The following KLC4 variants were observed in gnomAD, a reference collection of about 807,000 sequenced individuals.
The protein encoded by KLC4 is kinesin-like protein 8.
Under a neutral mutation model 77.2 loss-of-function variants are expected in KLC4, and 49 were observed. The ratio of observed to expected loss-of-function variants is 0.63; its 90% CI spans 0.50 to 0.80. The LOEUF is 0.80. Among genes scored for constraint, KLC4 ranks in the 30% least tolerant of loss-of-function variants. KLC4 has a pLI of 0.00. For synonymous variants in KLC4, 274 were observed against 314.5 expected, an observed-to-expected ratio of 0.87 and a Z score of 1.36; for missense variants, 669 against 793.5, an observed-to-expected ratio of 0.84 and a Z score of 1.89.
At chr6:43,061,780 C>A (rs1160597999) in intron 2 of KLC4, among the ~76,000 whole-genome samples, 187 bp downstream of exon 2, 1 of 152,186 alleles carries the variant, frequency 6.6e-6, no homozygotes, top group Admixed American at 6.5e-5. Flanking sequence ...TTGAACAAAA[C>A]TGTAAAAATC....
chr6:43,060,643 G>A (rs1428333353), intron 1 of KLC4: 2 of 1,106,734 alleles, frequency 1.8e-6, no homozygotes, highest in Non-Finnish European at 2.2e-6. Context: ...AGACCCCTCT[G>A]AGGAAGTGGG....
chr6:43,074,182 TAAG>T (rs1191268625), intron 15 of KLC4: 4 of 499,362 alleles, frequency 8.0e-6, no homozygotes, highest in South Asian at 3.2e-5. Context: ...AATAAGTTAA[TAAG>T]GAGGGAAATA....
Position 43,075,079 on chromosome 6 carries a change from G to A in KLC4, c.*407G>A, listed in dbSNP as rs1008361124. Reference sequence around the variant, plus strand: ...TGTATTTCACTTTTCTTAAATAAAAGAATCAGGTAACCTTTCTGTGACTTG... The same window carrying A: ...TGTATTTCACTTTTCTTAAATAAAAAAATCAGGTAACCTTTCTGTGACTTG... On this transcript the variant is annotated 3_prime_UTR_variant, in exon 16 of 16. Coordinates refer to ENST00000347162, the MANE Select transcript of KLC4 (RefSeq NM_201521.3). The A allele has an allele frequency of 2.2e-4, 42 of 191,990 alleles. No individual in the cohort carries two copies. Among genetic ancestry groups the A allele is most frequent in the Non-Finnish European group, 3.8e-4 (35 of 92,698 alleles). The allele number at this position is 191,990 out of a possible 1,614,324, so 11.9% of individuals were successfully genotyped here.
Position 43,071,613 on chromosome 6 carries a change from G to T in KLC4, c.1302G>T (p.Met434Ile), listed in dbSNP as rs761552573. ...TGCATGCAGAGGAGCGGGAGGAAAT[G>T]AGCAAAGTGAGTGGGGGGAAGGGGG... ...IWMHAEEREE[M>I]SKSRHHEGGT... Residue 434 changes from methionine to isoleucine, a missense_variant, in exon 10 of 16, where the codon ATG becomes ATT. Physicochemically the swap from Met to Ile is conservative, Grantham distance 10. Transcript: ENST00000347162. 2 of 1,613,662 alleles carry T rather than the reference G, an allele frequency of 1.2e-6. No individual in the cohort carries two copies. The highest frequency in any genetic ancestry group is 8.5e-7 in the Non-Finnish European group (1 of 1,179,898).
intron 9 of KLC4, 55 bp downstream of exon 9, chr6:43,071,429 A>G: frequency 6.4e-7 from 1 of 1,560,938 alleles, no homozygotes; most frequent in Non-Finnish European, 8.8e-7. Flanking sequence ...AATTCAGACC[A>G]AAGGTCGGGG....
At chr6:43,072,027 C>T (rs1239053243) in intron 11 of KLC4, 105 bp downstream of exon 11, 1 of 1,398,506 alleles carries the variant, frequency 7.2e-7, no homozygotes, top group African/African-American at 1.4e-5. Flanking sequence ...TTTCCCTCAG[C>T]TTTAGCTCTG....
At position 43,065,135 on chromosome 6, in the gene KLC4, C is replaced by T. The variant is rs1251422045; in HGVS notation, c.490-485C>T. Reference sequence around the variant, plus strand: ...TGTTGCCCAGGCTGGAGTGCAATGGCATGATCTCGGCTCACCGCAACCTCT... The same window carrying T: ...TGTTGCCCAGGCTGGAGTGCAATGGTATGATCTCGGCTCACCGCAACCTCT... On this transcript the variant is annotated intron_variant, in intron 3 of 15. Transcript: ENST00000347162. Among the ~76,000 whole-genome samples the T allele has an allele frequency of 2.0e-5, 3 of 151,788 alleles. 1 individual carries two copies. In the South Asian group the frequency reaches 6.2e-4, roughly 32 times the overall value.
At position 43,073,523 on chromosome 6, in the gene KLC4, T is replaced by G. The variant is rs575601681; in HGVS notation, c.1745+185T>G. 21 of 540,932 alleles carry G rather than the reference T, an allele frequency of 3.9e-5. 1 individual carries two copies. In the South Asian group the frequency reaches 3.9e-4, roughly 10 times the overall value. 33.5% of individuals were successfully genotyped at this position (540,932 alleles called of 1,614,324 possible). A position where few individuals can be genotyped will look rare whatever the true frequency, so the allele number is the denominator to read the frequency against. ...TTAGTCGGGTGTGGTGGCAGGTGCC[T>G]GTAATCTCAGCTACTTGGGAGGCTG... On this transcript the variant is annotated intron_variant, in intron 14 of 15. Transcript: ENST00000347162.
At chr6:43,062,838 C>T (rs759242023) in intron 2 of KLC4, 79 bp from the exon 3 acceptor site, 27 of 1,214,930 alleles carry the variant, frequency 2.2e-5, no homozygotes, top group South Asian at 1.9e-4. Context: ...AGTCTTGCCA[C>T]GTCCCAGTAG....
At chr6:43,059,860 C>A in intron 1 of KLC4, 175 bp downstream of exon 1, 7 of 1,190,900 alleles carry the variant, frequency 5.9e-6, no homozygotes, top group African/African-American at 1.6e-5. Flanking sequence ...GATAGACAGA[C>A]GACCTGCCCC....
In KLC4 at chr6:43,065,727, G is replaced by A. The variant is rs769342849; in HGVS notation, c.571+26G>A. 7 of 1,543,650 alleles carry A rather than the reference G, an allele frequency of 4.5e-6. No homozygotes were observed. In the Middle Eastern group the frequency reaches 9.5e-4, roughly 211 times the overall value. Reference sequence around the variant, plus strand: ...GTGAGTCTGCCTCTGGAATGGGAGGGTGAAAAGGGGCAGCAGGAGGCTGGC... The same window carrying A: ...GTGAGTCTGCCTCTGGAATGGGAGGATGAAAAGGGGCAGCAGGAGGCTGGC... On this transcript the variant is annotated intron_variant, in intron 4 of 15. Transcript: ENST00000347162.
rs1219325096 is a variant in KLC4 at position 43,071,291 on chromosome 6, A to G, written c.1172A>G (p.Lys391Arg). 2 of 1,613,880 alleles carry G rather than the reference A, an allele frequency of 1.2e-6. No individual in the cohort carries two copies. Among genetic ancestry groups the G allele is most frequent in the Admixed American group, 3.3e-5 (2 of 60,018 alleles). Reference sequence around the variant, plus strand: ...GTCCTCCAGGCTTCCTGTTACCTGAAACAGGGCAAATATGCTGAGGCTGAG... The same window carrying G: ...GTCCTCCAGGCTTCCTGTTACCTGAGACAGGGCAAATATGCTGAGGCTGAG... ...TKNNLASCYL[K>R]QGKYAEAETL... Residue 391 changes from lysine to arginine, a missense_variant, in exon 9 of 16, where the codon AAA (lysine) becomes AGA (arginine). Coordinates refer to ENST00000347162, the MANE Select transcript of KLC4 (RefSeq NM_201521.3).
chr6:43,063,200 C>G (rs1765254521), intron 3 of KLC4, 53 bp downstream of exon 3: 1 of 1,393,548 alleles, frequency 7.2e-7, no homozygotes, highest in Admixed American at 1.8e-5. Context: ...GGAGTTACCA[C>G]AGACATGGGG....
At chr6:43,070,231 A>G in intron 6 of KLC4, 123 bp from the exon 7 acceptor site, 1 of 639,178 alleles carries the variant, frequency 1.6e-6, no homozygotes, top group Non-Finnish European at 2.8e-6. Context: ...GCTCCAGGGT[A>G]GTAGACTTTG....
intron 2 of KLC4, 23 bp from the exon 3 acceptor site, chr6:43,062,894 G>A (rs1315008681): frequency 6.2e-7 from 1 of 1,601,334 alleles, no homozygotes; most frequent in Admixed American, 1.7e-5. Flanking sequence ...AGAATCTGGA[G>A]CTCAGGGGAT....
chr6:43,073,985 GC>G lies in KLC4; in HGVS notation c.1809+21del. On this transcript the variant is annotated intron_variant, in intron 15 of 15. Transcript: ENST00000347162. ...CTCCAGGTGAGAGCAGTGCTTGTGAGCATATTGGTGGGTGAGGAAAAAAGGA... is the reference window on the plus strand; with the variant it reads ...CTCCAGGTGAGAGCAGTGCTTGTGAGATATTGGTGGGTGAGGAAAAAAGGA... 2 of 1,580,404 alleles carry G rather than the reference GC, an allele frequency of 1.3e-6. No individual in the cohort carries two copies. Among genetic ancestry groups the G allele is most frequent in the Non-Finnish European group, 1.7e-6 (2 of 1,162,880 alleles).
Position 43,073,960 on chromosome 6 carries a change from C to T in KLC4, c.1804C>T (p.Leu602Phe), listed in dbSNP as rs1765852798. The T allele has an allele frequency of 2.5e-6, 4 of 1,609,352 alleles. No homozygotes were observed. The highest frequency in any genetic ancestry group is 3.4e-6 in the Non-Finnish European group (4 of 1,177,540). Residue 602 changes from leucine (L) to phenylalanine (F), a missense_variant, in exon 15 of 16, where the codon CTC (leucine) becomes TTC (phenylalanine). Coordinates refer to ENST00000347162, the MANE Select transcript of KLC4 (RefSeq NM_201521.3). ...TCTGAACCAACCTAGTGCAGCACCC[C>T]TCCAGGTGAGAGCAGTGCTTGTGAG... ...NYLNQPSAAP[L>F]QVSRGLSAST... is the part of the protein sequence containing the mutation.
At chr6:43,063,554 ATTT>A (rs59259365) in intron 3 of KLC4, among the ~76,000 whole-genome samples, 1 of 145,634 alleles carries the variant, frequency 6.9e-6, no homozygotes. Context: ...AAATGTGTGA[ATTT>A]TTTTTTTTTT....
chr6:43,063,055 A>G lies in KLC4; in HGVS notation c.397A>G (p.Ser133Gly). Residue 133 changes from serine (S) to glycine (G), a missense_variant, in exon 3 of 16, where the codon AGT (serine) becomes GGT (glycine). By Grantham distance (56) the Ser-to-Gly change is moderately conservative (BLOSUM62 0). Coordinates refer to ENST00000347162, the MANE Select transcript of KLC4 (RefSeq NM_201521.3). The part of the protein sequence containing the change: ...LAGTQQRLQR[S>G]EQAVAQLEEE... ...TGGCACCCAGCAGCGGCTACAGCGC[A>G]GTGAACAGGCTGTGGCTCAGCTGGA... 1 of 1,614,252 alleles carries G rather than the reference A, an allele frequency of 6.2e-7. No individual in the cohort carries two copies. The highest frequency in any genetic ancestry group is 2.2e-5 in the East Asian group (1 of 44,894).
Sources: allele counts gnomAD v4.1 joint callset (sites outside exome capture counted in the v4.1 genomes callset), GRCh38; gene constraint gnomAD v4.1.1; transcripts MANE v1.5; gene names NCBI Gene and HGNC (gene_info 2026-07-23, HGNC 2026-07-21).